Variants in COP1 observed in about 807,000 individuals in gnomAD.
COP1 encodes COP1 E3 ubiquitin ligase.
In COP1, 24 loss-of-function variants were observed where a neutral mutation model predicts 101.3. That is an observed-to-expected ratio of 0.24 (90% CI 0.17 to 0.33). The LOEUF (loss-of-function observed/expected upper bound fraction) is 0.33. Among genes scored for constraint, COP1 ranks in the 10% least tolerant of loss-of-function variants. COP1 has a pLI of 1.00. For missense variants in COP1, 663 were observed against 906.2 expected, an observed-to-expected ratio of 0.73 and a Z score of 3.45; for synonymous variants, 347 against 341.9, an observed-to-expected ratio of 1.01 and a Z score of -0.17.
rs1025671801 is a variant in COP1 at position 176,048,570 on chromosome 1, G to A, written c.1278-2246C>T. 5.9e-5 allele frequency among the ~76,000 whole-genome samples: 9 copies of A among 152,146 alleles called. No individual in the cohort carries two copies. In the South Asian group the frequency reaches 1.9e-3, roughly 31 times the overall value. On this transcript the variant is annotated intron_variant, in intron 11 of 19. Coordinates refer to ENST00000367669, the MANE Select transcript of COP1 (RefSeq NM_022457.7). ...ACTCAATTTATACCCATAGTCTCATGTCACTGAAGGAGAAATACTACTTTA... is the reference window on the plus strand; with the variant it reads ...ACTCAATTTATACCCATAGTCTCATATCACTGAAGGAGAAATACTACTTTA...
At position 176,112,612 on chromosome 1, in the gene COP1, A is replaced by G. The variant is rs150640342; in HGVS notation, c.1026+4012T>C. On this transcript the variant is annotated intron_variant, in intron 9 of 19. Transcript: ENST00000367669. Reference sequence around the variant, plus strand: ...CTATTCTGAAATATACAATAAAGTAATAACTATAATTTCCCTACTGTATTA... The same window carrying G: ...CTATTCTGAAATATACAATAAAGTAGTAACTATAATTTCCCTACTGTATTA... Among the ~76,000 whole-genome samples, 130 of 152,342 alleles carry G rather than the reference A, an allele frequency of 8.5e-4. 1 individual carries two copies. The Middle Eastern group carries it at 0.01, about 12-fold the overall frequency.
intron 14 of COP1, among the ~76,000 whole-genome samples, chr1:176,032,966 A>C (rs1668879525): frequency 6.6e-6 from 1 of 152,200 alleles, no homozygotes; most frequent in South Asian, 2.1e-4. Context: ...AAATTATAAT[A>C]ACTGTTATCA....
chr1:176,167,599 A>G (rs542687229), intron 3 of COP1, among the ~76,000 whole-genome samples: 84 of 152,324 alleles, frequency 5.5e-4, no homozygotes, highest in Non-Finnish European at 8.5e-4. Flanking sequence ...TGTTAATTAT[A>G]ATTCTACAGA....
chr1:176,178,349 A>AAAT (rs1558266724), intron 2 of COP1, among the ~76,000 whole-genome samples: 1 of 150,820 alleles, frequency 6.6e-6, no homozygotes, highest in Non-Finnish European at 1.5e-5. Flanking sequence ...AAAAAAAAAA[A>AAAT]AATAATAATA....
At chr1:176,024,183 G>A (rs777571435) in intron 15 of COP1, among the ~76,000 whole-genome samples, 2 of 151,828 alleles carry the variant, frequency 1.3e-5, no homozygotes, top group Non-Finnish European at 2.9e-5. Context: ...CACTTGAGTC[G>A]GGGAGGCAGA....
At position 175,947,238 on chromosome 1, in the gene COP1, T is replaced by A. The variant is rs767480142; in HGVS notation, c.2135A>T (p.Glu712Val). Residue 712 changes from glutamate (E) to valine (V), a missense_variant and splice_region_variant, in exon 19 of 20, where the codon GAG (glutamate) becomes GTG (valine). Physicochemically the swap from Glu to Val is moderately radical, Grantham distance 121. Transcript: ENST00000367669. Reference sequence around the variant, plus strand: ...GTTAGCAGCAATCAGCACATTGGACTCCTAGAAAAGAACAAGAGCTTTTAA... The same window carrying A: ...GTTAGCAGCAATCAGCACATTGGACACCTAGAAAAGAACAAGAGCTTTTAA... ...AVCWRALPDG[E>V]SNVLIAANSQ... 1 of 1,606,362 alleles carries A rather than the reference T, an allele frequency of 6.2e-7. No individual in the cohort carries two copies. The highest frequency in any genetic ancestry group is 8.5e-7 in the Non-Finnish European group (1 of 1,172,964).
At chr1:175,968,711 G>T (rs1652621543) in intron 18 of COP1, among the ~76,000 whole-genome samples, 1 of 152,212 alleles carries the variant, frequency 6.6e-6, no homozygotes, top group Non-Finnish European at 1.5e-5. Context: ...TATTCAGGGA[G>T]AAAAGGCTGT....
intron 18 of COP1, among the ~76,000 whole-genome samples, chr1:175,952,422 C>CA (rs35585282): frequency 2.4e-4 from 28 of 116,036 alleles, no homozygotes; most frequent in African/African-American, 6.1e-4. Flanking sequence ...GACTTCATCT[C>CA]AAAAAAAAAA....
At chr1:176,014,124 G>T (rs551033133) in intron 15 of COP1, among the ~76,000 whole-genome samples, 1 of 152,294 alleles carries the variant, frequency 6.6e-6, no homozygotes, top group African/African-American at 2.4e-5. Flanking sequence ...CAGAAAGCAT[G>T]CAGAATTTGA....
intron 11 of COP1, among the ~76,000 whole-genome samples, chr1:176,048,247 G>T (rs1331797069): frequency 7.5e-6 from 1 of 134,144 alleles, no homozygotes; most frequent in Non-Finnish European, 1.6e-5. Context: ...CGCCTGGGCT[G>T]GTCTTGAACT....
chr1:176,030,818 G>A (rs2149092454), intron 14 of COP1, among the ~76,000 whole-genome samples: 1 of 152,242 alleles, frequency 6.6e-6, no homozygotes, highest in South Asian at 2.1e-4. Context: ...CTAACCCCAG[G>A]TACTTGTGAA....
At chr1:175,995,464 T>C (rs1659896575) in intron 15 of COP1, among the ~76,000 whole-genome samples, 1 of 152,104 alleles carries the variant, frequency 6.6e-6, no homozygotes, top group African/African-American at 2.4e-5. Context: ...AGGAGCTGGT[T>C]TTTTGAAAGG....
intron 15 of COP1, among the ~76,000 whole-genome samples, chr1:176,023,114 G>A (rs1667040834): frequency 6.6e-6 from 1 of 152,128 alleles, no homozygotes; most frequent in Admixed American, 6.5e-5. Flanking sequence ...AGTGCCACTA[G>A]CTGAGAAATA....
Position 176,148,984 on chromosome 1 carries a change from T to C in COP1, c.831+22A>G. The C allele has an allele frequency of 2.1e-6, 3 of 1,460,464 alleles. No homozygotes were observed. The South Asian group carries it at 3.9e-5, about 19-fold the overall frequency. 90.5% of individuals were successfully genotyped at this position (1,460,464 alleles called of 1,614,324 possible). On this transcript the variant is annotated intron_variant, in intron 6 of 19. Transcript: ENST00000367669. ...TAACAATAGTAAATAAAACATTATG[T>C]AAAACACACAAAATAATATACCTCT...
At chr1:176,168,127 G>A (rs1022144291) in intron 3 of COP1, among the ~76,000 whole-genome samples, 36 of 151,134 alleles carry the variant, frequency 2.4e-4, no homozygotes, top group African/African-American at 7.1e-4. Context: ...GTGCGATCTC[G>A]GCTCACCGCA....
intron 5 of COP1, among the ~76,000 whole-genome samples, chr1:176,161,396 G>A (rs762129477): frequency 3.3e-5 from 5 of 152,034 alleles, no homozygotes; most frequent in Non-Finnish European, 7.4e-5. Flanking sequence ...TGAGACTACT[G>A]TAGGCCAATA....
intron 2 of COP1, among the ~76,000 whole-genome samples, chr1:176,183,053 TATC>T (rs1365048436): frequency 6.6e-6 from 1 of 152,242 alleles, no homozygotes; most frequent in Non-Finnish European, 1.5e-5. Context: ...ACATTGCTGT[TATC>T]ATTTTAATAC....
chr1:176,157,709 CA>C lies in COP1; in HGVS notation c.762+5159del, dbSNP rs373062573. Among the ~76,000 whole-genome samples, 24 of 152,164 alleles carry C rather than the reference CA, an allele frequency of 1.6e-4. No homozygotes were observed. The East Asian group carries it at 2.5e-3, about 16-fold the overall frequency. ...AAGTTCAGGAATATATAAAGGATTA[CA>C]AAAATATTCAGCACTGAACAAGGTG... On this transcript the variant is annotated intron_variant, in intron 5 of 19. Coordinates refer to ENST00000367669, the MANE Select transcript of COP1 (RefSeq NM_022457.7).
At chr1:176,096,664 A>T (rs985612320) in intron 9 of COP1, among the ~76,000 whole-genome samples, 9 of 152,220 alleles carry the variant, frequency 5.9e-5, no homozygotes, top group African/African-American at 2.2e-4. Flanking sequence ...CTTTTACGTG[A>T]GAGGATTTTT....
Sources: gnomAD v4.1 joint callset for allele counts (sites outside exome capture counted in the v4.1 genomes callset) on GRCh38, gnomAD v4.1.1 for gene constraint, MANE v1.5 for transcripts, NCBI Gene and HGNC (gene_info 2026-07-23, HGNC 2026-07-21) for gene names.